Variants in SLC35D2 observed in about 807,000 individuals in gnomAD.
The protein encoded by SLC35D2 is solute carrier family 35 member D2.
In SLC35D2, 43 loss-of-function variants were observed where a neutral mutation model predicts 41.8. The observed-to-expected ratio is 1.03, with a 90% confidence interval of 0.81 to 1.33. SLC35D2 has a LOEUF of 1.33. SLC35D2 is among the 40% of genes most tolerant of loss of function. The pLI, the probability that SLC35D2 is intolerant of heterozygous loss-of-function variation, is 0.00. For synonymous variants in SLC35D2, 150 were observed against 163.9 expected, an observed-to-expected ratio of 0.92 and a Z score of 0.65; for missense variants, 380 against 408.4, an observed-to-expected ratio of 0.93 and a Z score of 0.60.
At chr9:96,347,019 C>G (rs538961707) in intron 6 of SLC35D2, among the ~76,000 whole-genome samples, 91 of 152,156 alleles carry the variant, frequency 6.0e-4, no homozygotes, top group Non-Finnish European at 9.4e-4. Flanking sequence ...GCCTGTAATC[C>G]CAGCTACTTG....
intron 1 of SLC35D2, among the ~76,000 whole-genome samples, chr9:96,372,671 G>C (rs1564126539): frequency 7.8e-6 from 1 of 128,290 alleles, no homozygotes; most frequent in Non-Finnish European, 1.5e-5. Flanking sequence ...TGCAACCTTC[G>C]CCTCCCAGGG....
intron 1 of SLC35D2, among the ~76,000 whole-genome samples, chr9:96,382,551 G>A (rs1447067904): frequency 2.7e-5 from 4 of 148,306 alleles, no homozygotes; most frequent in Non-Finnish European, 5.9e-5. Flanking sequence ...TGTGATTACA[G>A]GTGCAAACCA....
chr9:96,366,648 GT>G (rs1161749804), intron 2 of SLC35D2, among the ~76,000 whole-genome samples: 10 of 142,048 alleles, frequency 7.0e-5, no homozygotes, highest in African/African-American at 2.6e-4. Context: ...ACTAATTTTT[GT>G]ATTTTTAGTA....
At chr9:96,323,155 C>G (rs534903423) in intron 10 of SLC35D2, among the ~76,000 whole-genome samples, 1 of 151,974 alleles carries the variant, frequency 6.6e-6, no homozygotes, top group Non-Finnish European at 1.5e-5. Context: ...AATTCCAGGC[C>G]GTGCTCTGCC....
chr9:96,314,428 T>C (rs1053930886), exon 12 of SLC35D2: 1 of 152,280 alleles, frequency 6.6e-6, no homozygotes, highest in African/African-American at 2.4e-5. Context: ...AACGAGATCA[T>C]GTCCATTGCA....
At chr9:96,323,553 AC>A (rs975121587) in intron 10 of SLC35D2, among the ~76,000 whole-genome samples, 1 of 151,918 alleles carries the variant, frequency 6.6e-6, no homozygotes, top group Admixed American at 6.6e-5. Context: ...CCTCTGAGCC[AC>A]CCCCAACTTA....
At position 96,364,532 on chromosome 9, in the gene SLC35D2, T is replaced by C; in HGVS notation, c.211A>G (p.Ile71Val). The change falls in exon 3 of 12, where the codon ATA becomes GTA. Residue 71 changes from isoleucine to valine, a missense_variant. Ile to Val is a conservative substitution (Grantham distance 29). Transcript: ENST00000253270. Reference sequence around the variant, plus strand: ...TTGTTTAGCTTGGACACATATAGTATCATTATGGTGGCTGCCATCTGAAGA... The same window carrying C: ...TTGTTTAGCTTGGACACATATAGTACCATTATGGTGGCTGCCATCTGAAGA... ...GIGQMAATIM[I>V]LYVSKLNKII... is the part of the protein sequence containing the mutation. The C allele has an allele frequency of 6.2e-7, 1 of 1,604,450 alleles. No homozygotes were observed. Among genetic ancestry groups the C allele is most frequent in the Non-Finnish European group, 8.5e-7 (1 of 1,172,924 alleles).
chr9:96,359,903 A>G (rs562979431), intron 4 of SLC35D2, among the ~76,000 whole-genome samples: 1 of 152,320 alleles, frequency 6.6e-6, no homozygotes, highest in East Asian at 1.9e-4. Context: ...GACCTTCTCT[A>G]CCTTAATGTC....
downstream of SLC35D2, among the ~76,000 whole-genome samples, chr9:96,316,617 A>G (rs1328330733): frequency 6.6e-6 from 1 of 152,172 alleles, no homozygotes; most frequent in Non-Finnish European, 1.5e-5. Context: ...CATTTCTAAG[A>G]GCCCCCAAGT....
At chr9:96,367,611 C>A (rs1220822978) in intron 2 of SLC35D2, among the ~76,000 whole-genome samples, 1 of 151,990 alleles carries the variant, frequency 6.6e-6, no homozygotes, top group Non-Finnish European at 1.5e-5. Context: ...GGCGAAACCC[C>A]GTCTCTACTA....
chr9:96,342,172 G>T (rs58606368), intron 8 of SLC35D2, among the ~76,000 whole-genome samples: 1 of 151,760 alleles, frequency 6.6e-6, no homozygotes, highest in African/African-American at 2.4e-5. Flanking sequence ...GTGCAATAGC[G>T]TGATCTCGGC....
chr9:96,342,800 G>T (rs192333043), intron 8 of SLC35D2, among the ~76,000 whole-genome samples: 2 of 152,258 alleles, frequency 1.3e-5, no homozygotes, highest in East Asian at 1.9e-4. Flanking sequence ...ACAAGGAGCT[G>T]CCCAGGAGTC....
intron 1 of SLC35D2, among the ~76,000 whole-genome samples, chr9:96,369,908 G>C (rs1830612069): frequency 6.6e-6 from 1 of 152,118 alleles, no homozygotes; most frequent in Admixed American, 6.6e-5. Flanking sequence ...AGAGAATAAA[G>C]AATAAACCTA....
At chr9:96,381,594 T>G (rs1739539384) in intron 1 of SLC35D2, among the ~76,000 whole-genome samples, 3 of 152,182 alleles carry the variant, frequency 2.0e-5, no homozygotes, top group Admixed American at 2.0e-4. Flanking sequence ...TCCTGTTTTA[T>G]TTTTTCCCCA....
intron 4 of SLC35D2, among the ~76,000 whole-genome samples, chr9:96,358,002 T>C (rs1830096980): frequency 6.6e-6 from 1 of 150,980 alleles, no homozygotes. Context: ...ATCGCACCAC[T>C]GCATTCCAGC....
chr9:96,339,716 T>C lies in SLC35D2; in HGVS notation c.685-2932A>G, dbSNP rs553784870. Among the ~76,000 whole-genome samples the C allele has an allele frequency of 5.9e-5, 9 of 152,274 alleles. No individual in the cohort carries two copies. In the East Asian group the frequency reaches 1.5e-3, roughly 26 times the overall value. ...TAGATGTACTTTGAACCTATTGCAGTGATTCAAATACTAAAGAAAGTTCAC... is the reference window on the plus strand; with the variant it reads ...TAGATGTACTTTGAACCTATTGCAGCGATTCAAATACTAAAGAAAGTTCAC... On this transcript the variant is annotated intron_variant, in intron 8 of 11. Transcript: ENST00000253270.
chr9:96,320,888 T>C lies in SLC35D2; in HGVS notation c.*354A>G, dbSNP rs1587823143. ...GGGACCTTGGGAATCACGGCCAAGG[T>C]GCTGATCAGAAAAGAGTCACCATTA... On this transcript the variant is annotated 3_prime_UTR_variant, in exon 12 of 12. Coordinates refer to ENST00000253270, the MANE Select transcript of SLC35D2 (RefSeq NM_007001.3). The C allele has an allele frequency of 5.9e-6, 1 of 169,286 alleles. No homozygotes were observed. The highest frequency in any genetic ancestry group is 1.6e-4 in the East Asian group (1 of 6,080). 10.5% of individuals were successfully genotyped at this position (169,286 alleles called of 1,614,324 possible). A position where few individuals can be genotyped will look rare whatever the true frequency, so the allele number is the denominator to read the frequency against.
intron 11 of SLC35D2, among the ~76,000 whole-genome samples, chr9:96,315,537 C>A (rs1828032262): frequency 6.6e-6 from 1 of 151,668 alleles, no homozygotes; most frequent in Non-Finnish European, 1.5e-5. Flanking sequence ...AGGTTCACAC[C>A]ATTCTCCTGC....
At chr9:96,344,443 C>A (rs887494317) in intron 7 of SLC35D2, among the ~76,000 whole-genome samples, 1 of 121,038 alleles carries the variant, frequency 8.3e-6, no homozygotes, top group Admixed American at 1.0e-4. Flanking sequence ...TCACCATTTT[C>A]AAAAAAGGAT....
Sources: gnomAD v4.1 joint callset for allele counts (sites outside exome capture counted in the v4.1 genomes callset) on GRCh38, gnomAD v4.1.1 for gene constraint, MANE v1.5 for transcripts, NCBI Gene and HGNC (gene_info 2026-07-23, HGNC 2026-07-21) for gene names.